The following LRP6 variants were observed in gnomAD, a reference collection of about 807,000 sequenced individuals.
LRP6 encodes LDL receptor related protein 6.
LRP6 carries 43 observed loss-of-function variants against 184.1 expected under a neutral mutation model. That is an observed-to-expected ratio of 0.23 (90% CI 0.18 to 0.30). The LOEUF (loss-of-function observed/expected upper bound fraction) is 0.30, where lower values mean the gene tolerates loss of function less well. Ranked by LOEUF, LRP6 falls within the 10% of genes least tolerant of loss-of-function variation. The pLI, the probability that LRP6 is intolerant of heterozygous loss-of-function variation, is 1.00. For missense variants in LRP6, 1,571 were observed against 2,005.3 expected, an observed-to-expected ratio of 0.78 and a Z score of 4.14; for synonymous variants, 719 against 684.9, an observed-to-expected ratio of 1.05 and a Z score of -0.78.
rs1862825790 is a variant in LRP6, at chr12:12,164,697, A to C, written c.1763-135T>G. 8.9e-6 allele frequency: 7 copies of C among 788,576 alleles called. No homozygotes were observed. In the Admixed American group the frequency reaches 1.8e-4, roughly 20 times the overall value. The allele number at this position is 788,576 out of a possible 1,614,324, so 48.8% of individuals were successfully genotyped here. A position where few individuals can be genotyped will look rare whatever the true frequency, so the allele number is the denominator to read the frequency against. On this transcript the variant is annotated intron_variant, in intron 8 of 22. Transcript: ENST00000261349. ...TGTCTTGCTCCCAATCTCAAGTTTC[A>C]ATTCTAATATCACAAACAAGTAATA...
chr12:12,205,357 G>A (rs202190964), intron 2 of LRP6, among the ~76,000 whole-genome samples: 2,147 of 92,320 alleles, frequency 0.023, 9 homozygotes, highest in Middle Eastern at 0.052. Flanking sequence ...AAAAAAAAAA[G>A]AGGTAATGAG....
intron 7 of LRP6, among the ~76,000 whole-genome samples, chr12:12,166,677 A>G (rs1486469516): frequency 6.6e-6 from 1 of 152,224 alleles, no homozygotes; most frequent in Non-Finnish European, 1.5e-5. Context: ...AAAGAATAAC[A>G]CTTATATTTC....
In LRP6 at chr12:12,165,180, C is replaced by T; in HGVS notation, c.1661G>A (p.Ser554Asn). The change falls in exon 8 of 23, where the codon AGC (serine) becomes AAC (asparagine). Residue 554 changes from serine (S) to asparagine (N), a missense_variant. Around this residue, in one of 4 missense-constraint regions of LRP6, gnomAD observed 640 missense variants for 851.9 expected, o/e 0.75. Transcript: ENST00000261349. Reference protein sequence around the residue: ...YVYWTDWQRRSIERVHKRSAE... With the variant: ...YVYWTDWQRRNIERVHKRSAE... ...ACTTCGTTTATGAACTCTTTCAATG[C>T]TACGCCTCTGCCAGTCAGTCCAGTA... is the stretch of plus-strand genomic sequence containing the variant. 6.2e-7 allele frequency: 1 copy of T among 1,614,028 alleles called. No homozygotes were observed. Among genetic ancestry groups the T allele is most frequent in the Non-Finnish European group, 8.5e-7 (1 of 1,179,970 alleles).
At chr12:12,222,524 G>A (rs1395610140) in intron 2 of LRP6, among the ~76,000 whole-genome samples, 5 of 149,312 alleles carry the variant, frequency 3.3e-5, no homozygotes, top group Non-Finnish European at 5.9e-5. Context: ...CCAAGATCGC[G>A]CCATTGCACT....
At chr12:12,186,007 G>A (rs1301528275) in intron 4 of LRP6, among the ~76,000 whole-genome samples, 1 of 151,886 alleles carries the variant, frequency 6.6e-6, no homozygotes, top group Non-Finnish European at 1.5e-5. Context: ...CACCACGCCT[G>A]GCTAATATTT....
At chr12:12,187,288 T>C (rs1416095397) in intron 3 of LRP6, 169 bp from the exon 4 acceptor site, 1 of 646,054 alleles carries the variant, frequency 1.5e-6, no homozygotes, top group Non-Finnish European at 2.7e-6. Flanking sequence ...CATAATGAAT[T>C]CATATATATT....
chr12:12,174,332 G>A (rs995617454), intron 7 of LRP6, among the ~76,000 whole-genome samples: 2 of 152,128 alleles, frequency 1.3e-5, no homozygotes, highest in East Asian at 1.9e-4. Flanking sequence ...GGCTGGTCTC[G>A]AACTCCTGGC....
Position 12,136,453 on chromosome 12 carries a change from C to T in LRP6, c.3608-1153G>A, listed in dbSNP as rs76386102. On this transcript the variant is annotated intron_variant, in intron 16 of 22. Coordinates refer to ENST00000261349, the MANE Select transcript of LRP6 (RefSeq NM_002336.3). ...CAACTGCAAAAGGTAACTTGTAATA[C>T]TATAAATGTCTAACTTCCTCATACA... 7.8e-3 allele frequency among the ~76,000 whole-genome samples: 1,187 copies of T among 152,292 alleles called. 13 individuals carry two copies. Among genetic ancestry groups the T allele is most frequent in the African/African-American group, 0.027 (1,130 of 41,546 alleles).
chr12:12,133,340 C>G (rs1300412890), intron 17 of LRP6, among the ~76,000 whole-genome samples: 1 of 152,048 alleles, frequency 6.6e-6, no homozygotes. Context: ...GGGGGTAGAT[C>G]CCTCATGCCT....
At chr12:12,175,680 G>A (rs1029952899) in intron 7 of LRP6, among the ~76,000 whole-genome samples, 11 of 148,212 alleles carry the variant, frequency 7.4e-5, no homozygotes, top group Non-Finnish European at 1.5e-4. Flanking sequence ...GACAGAGCGA[G>A]ACTCCGTCTC....
intron 2 of LRP6, among the ~76,000 whole-genome samples, chr12:12,205,209 C>T (rs1864020507): frequency 6.6e-6 from 1 of 151,236 alleles, no homozygotes; most frequent in Non-Finnish European, 1.5e-5. Context: ...CCCAGCTACT[C>T]AGGAGGCTGA....
intron 2 of LRP6, among the ~76,000 whole-genome samples, chr12:12,213,504 T>C (rs2033960491): frequency 1.3e-5 from 2 of 152,160 alleles, no homozygotes; most frequent in Admixed American, 1.3e-4. Context: ...CTTTTTTTGC[T>C]TGAATCAAAA....
chr12:12,171,043 C>T (rs1320260797), intron 7 of LRP6, among the ~76,000 whole-genome samples: 2 of 152,114 alleles, frequency 1.3e-5, no homozygotes, highest in Non-Finnish European at 2.9e-5. Context: ...TTAAGACACG[C>T]TGCAGTCTAG....
At chr12:12,161,758 T>G (rs1241600267) in intron 10 of LRP6, among the ~76,000 whole-genome samples, 1 of 152,158 alleles carries the variant, frequency 6.6e-6, no homozygotes, top group Non-Finnish European at 1.5e-5. Flanking sequence ...AACCAAACTA[T>G]CCATTTTGAA....
chr12:12,249,392 C>A, intron 1 of LRP6: 1 of 904,602 alleles, frequency 1.1e-6, no homozygotes, highest in Non-Finnish European at 1.9e-6. Context: ...AAATATGAAA[C>A]TCCCTCAGCC....
chr12:12,266,018 G>C (rs1865747376), intron 1 of LRP6, among the ~76,000 whole-genome samples: 1 of 152,056 alleles, frequency 6.6e-6, no homozygotes, highest in Admixed American at 6.5e-5. Flanking sequence ...CCGAAAATAG[G>C]GGCAAGCCGT....
intron 3 of LRP6, among the ~76,000 whole-genome samples, chr12:12,194,147 T>G (rs1238195960): frequency 6.6e-6 from 1 of 152,096 alleles, no homozygotes; most frequent in East Asian, 1.9e-4. Context: ...CAGTAATTAT[T>G]CATGGTAAAT....
chr12:12,151,465 AGACCCATC>A, intron 12 of LRP6, among the ~76,000 whole-genome samples: 1 of 151,648 alleles, frequency 6.6e-6, no homozygotes. Flanking sequence ...TGACAGGGCA[AGACCCATC>A]TAAGGAAAAA....
chr12:12,236,607 G>C (rs1412341739), intron 2 of LRP6, among the ~76,000 whole-genome samples: 1 of 152,144 alleles, frequency 6.6e-6, no homozygotes, highest in Non-Finnish European at 1.5e-5. Flanking sequence ...GGTCCTAAAA[G>C]ACTGCCTCCA....
Sources: allele counts gnomAD v4.1 joint callset (sites outside exome capture counted in the v4.1 genomes callset), GRCh38; gene constraint gnomAD v4.1.1; regional missense constraint gnomAD v4.1.1; transcripts MANE v1.5; gene names NCBI Gene and HGNC (gene_info 2026-07-23, HGNC 2026-07-21).